The following ARHGEF38 variants were observed in gnomAD, a reference collection of about 807,000 sequenced individuals.
ARHGEF38 encodes Rho guanine nucleotide exchange factor 38.
In ARHGEF38, 79 loss-of-function variants were observed where a neutral mutation model predicts 79.9. The observed-to-expected ratio is 0.99, with a 90% CI of 0.82 to 1.19. The LOEUF (loss-of-function observed/expected upper bound fraction) is 1.19. ARHGEF38 is among the 50% of genes most tolerant of loss of function. The pLI is 0.00. For synonymous variants in ARHGEF38, 366 were observed against 328.3 expected, an observed-to-expected ratio of 1.11 and a Z score of -1.24; for missense variants, 962 against 907.2, an observed-to-expected ratio of 1.06 and a Z score of -0.78.
At chr4:105,632,038 T>C (rs993827784) in intron 4 of ARHGEF38, among the ~76,000 whole-genome samples, 2 of 152,076 alleles carry the variant, frequency 1.3e-5, no homozygotes, top group Non-Finnish European at 2.9e-5. Context: ...CCAACGGGGA[T>C]GGGGATGGGG....
intron 7 of ARHGEF38, among the ~76,000 whole-genome samples, chr4:105,651,535 C>T (rs1171502002): frequency 3.9e-5 from 6 of 152,102 alleles, no homozygotes; most frequent in Non-Finnish European, 8.8e-5. Context: ...CCTACTATAC[C>T]GTGGGTAAGT....
At chr4:105,601,236 CAGG>C (rs1418221533) in intron 2 of ARHGEF38, among the ~76,000 whole-genome samples, 1 of 152,122 alleles carries the variant, frequency 6.6e-6, no homozygotes, top group Non-Finnish European at 1.5e-5. Flanking sequence ...TTGAACAAAC[CAGG>C]AGCACTGCTG....
chr4:105,580,132 C>G (rs1398977732), intron 1 of ARHGEF38, among the ~76,000 whole-genome samples: 1 of 151,788 alleles, frequency 6.6e-6, no homozygotes, highest in Non-Finnish European at 1.5e-5. Context: ...ATTAGTCTAG[C>G]TAGCAGTCTA....
chr4:105,655,509 T>C (rs1730283242), intron 8 of ARHGEF38, 94 bp from the exon 9 acceptor site: 2 of 1,280,702 alleles, frequency 1.6e-6, no homozygotes, highest in Non-Finnish European at 2.1e-6. Context: ...TCAGTGATAA[T>C]TAAGGGTTAT....
At chr4:105,563,889 A>G (rs879903303) in intron 1 of ARHGEF38, among the ~76,000 whole-genome samples, 17 of 152,188 alleles carry the variant, frequency 1.1e-4, no homozygotes, top group Non-Finnish European at 1.8e-4. Flanking sequence ...TTAGAAAGAT[A>G]TGTACTTGCA....
intron 1 of ARHGEF38, among the ~76,000 whole-genome samples, chr4:105,563,079 A>G (rs1169650747): frequency 6.6e-6 from 1 of 152,192 alleles, no homozygotes; most frequent in African/African-American, 2.4e-5. Context: ...TAATTCCTAA[A>G]GAGGGCATAT....
At chr4:105,563,788 G>A (rs1399220155) in intron 1 of ARHGEF38, among the ~76,000 whole-genome samples, 3 of 152,110 alleles carry the variant, frequency 2.0e-5, no homozygotes, top group East Asian at 1.9e-4. Context: ...TACATTCATC[G>A]GCAATCTTGA....
At chr4:105,598,503 T>C (rs1191697731) in intron 2 of ARHGEF38, among the ~76,000 whole-genome samples, 1 of 152,244 alleles carries the variant, frequency 6.6e-6, no homozygotes, top group African/African-American at 2.4e-5. Flanking sequence ...CTACTTTGTA[T>C]TGGCCTTTCT....
chr4:105,627,053 A>C (rs1009218443), intron 3 of ARHGEF38, among the ~76,000 whole-genome samples: 4 of 152,168 alleles, frequency 2.6e-5, no homozygotes, highest in Admixed American at 2.6e-4. Flanking sequence ...TACTTTTCAC[A>C]TAGTATGGTA....
At chr4:105,586,578 C>T (rs1727059941) in intron 1 of ARHGEF38, among the ~76,000 whole-genome samples, 1 of 152,070 alleles carries the variant, frequency 6.6e-6, no homozygotes, top group Non-Finnish European at 1.5e-5. Context: ...TGATTGAGTC[C>T]TGGAATTTAG....
chr4:105,611,848 A>AT (rs1236533010), intron 2 of ARHGEF38, among the ~76,000 whole-genome samples: 2 of 152,096 alleles, frequency 1.3e-5, no homozygotes, highest in Non-Finnish European at 2.9e-5. Flanking sequence ...AAGTTGTCTA[A>AT]TCCTATATTG....
chr4:105,667,837 AGT>A, intron 13 of ARHGEF38, 134 bp downstream of exon 13: 1 of 1,032,494 alleles, frequency 9.7e-7, no homozygotes, highest in South Asian at 1.7e-5. Flanking sequence ...CTATTAGCAC[AGT>A]GGATCTTTTT....
intron 1 of ARHGEF38, among the ~76,000 whole-genome samples, chr4:105,566,087 G>T (rs1303757110): frequency 2.0e-5 from 3 of 152,148 alleles, no homozygotes; most frequent in Non-Finnish European, 4.4e-5. Context: ...CTTGCTAAGA[G>T]AATCTAATCA....
At chr4:105,605,636 A>C (rs1728006154) in intron 2 of ARHGEF38, among the ~76,000 whole-genome samples, 1 of 152,186 alleles carries the variant, frequency 6.6e-6, no homozygotes, top group Non-Finnish European at 1.5e-5. Context: ...CCAGTTTCAC[A>C]GCAGGAAATT....
At chr4:105,591,917 CTG>C (rs1208212210) in intron 2 of ARHGEF38, among the ~76,000 whole-genome samples, 2 of 152,256 alleles carry the variant, frequency 1.3e-5, no homozygotes, top group Non-Finnish European at 2.9e-5. Context: ...ATGTTTTCTG[CTG>C]TGTTTTCTTT....
chr4:105,655,643 A>G lies in ARHGEF38; in HGVS notation c.1154A>G (p.Gln385Arg). ...PLALQSVMDL[Q>R]EISYNKDDEM... The stretch of plus-strand genomic sequence containing the variant: ...GCTCTGCAGAGTGTGATGGACCTTC[A>G]GGAGATTTCATACAACAAAGACGAT... The change falls in exon 9 of 14, where the codon CAG becomes CGG. Residue 385 changes from glutamine to arginine, a missense_variant. Gln to Arg is a conservative substitution (Grantham distance 43). Coordinates refer to ENST00000420470, the MANE Select transcript of ARHGEF38 (RefSeq NM_001242729.2). 1 of 1,536,040 alleles carries G rather than the reference A, an allele frequency of 6.5e-7. No homozygotes were observed. Among genetic ancestry groups the G allele is most frequent in the Non-Finnish European group, 8.7e-7 (1 of 1,146,756 alleles).
At chr4:105,573,054 C>G (rs1024215687) in intron 1 of ARHGEF38, among the ~76,000 whole-genome samples, 1 of 8,654 alleles carries the variant, frequency 1.2e-4, no homozygotes, top group African/African-American at 5.3e-4. Context: ...AAAATCTATT[C>G]AAGTGCCTTT....
At chr4:105,631,216 G>T in intron 4 of ARHGEF38, 171 bp downstream of exon 4, 1 of 1,260,084 alleles carries the variant, frequency 7.9e-7, no homozygotes, top group Non-Finnish European at 1.0e-6. Flanking sequence ...AGCCCTGATT[G>T]ACTTTTTTTC....
At chr4:105,636,655 T>C (rs1473447583) in intron 5 of ARHGEF38, among the ~76,000 whole-genome samples, 1 of 152,070 alleles carries the variant, frequency 6.6e-6, no homozygotes, top group African/African-American at 2.4e-5. Flanking sequence ...TTACTAAGTT[T>C]GCTGATGCCA....
Sources: allele counts gnomAD v4.1 joint callset (sites outside exome capture counted in the v4.1 genomes callset), GRCh38; gene constraint gnomAD v4.1.1; transcripts MANE v1.5; gene names NCBI Gene and HGNC (gene_info 2026-07-23, HGNC 2026-07-21).